Variants in CDYL observed in about 807,000 individuals in gnomAD.
CDYL encodes chromodomain Y-like protein.
Under a neutral mutation model 47.3 loss-of-function variants are expected in CDYL, and 8 were observed. The observed-to-expected ratio is 0.17, with a 90% confidence interval of 0.10 to 0.31. The LOEUF (loss-of-function observed/expected upper bound fraction) is 0.31, where lower values mean the gene tolerates loss of function less well. CDYL is among the 10% of genes least tolerant of loss of function. The probability of loss-of-function intolerance (pLI) is 1.00; values close to 1 mark genes in which losing one functional copy is unlikely to be tolerated. For missense variants in CDYL, 471 were observed against 701.4 expected, an observed-to-expected ratio of 0.67 and a Z score of 3.71; for synonymous variants, 266 against 265.0, an observed-to-expected ratio of 1.00 and a Z score of -0.04.
intron 1 of CDYL, among the ~76,000 whole-genome samples, chr6:4,875,713 G>C (rs142245901): frequency 0.012 from 1,766 of 152,142 alleles, 22 homozygotes; most frequent in Middle Eastern, 0.037. Context: ...AATGAACACT[G>C]ATTTTTTTCC....
chr6:4,930,188 T>C (rs1376229163), intron 2 of CDYL, among the ~76,000 whole-genome samples: 4 of 152,218 alleles, frequency 2.6e-5, no homozygotes, highest in Non-Finnish European at 5.9e-5. Context: ...TTGAGATTAT[T>C]CAGTTTATAG....
At chr6:4,877,003 C>T (rs1167968844) in intron 1 of CDYL, among the ~76,000 whole-genome samples, 1 of 152,230 alleles carries the variant, frequency 6.6e-6, no homozygotes, top group Non-Finnish European at 1.5e-5. Context: ...GTCCCTTCCA[C>T]CACGTGAGGG....
At chr6:4,769,963 ATT>A (rs1184292208) in intron 3 of CDYL, among the ~76,000 whole-genome samples, 8 of 113,464 alleles carry the variant, frequency 7.1e-5, no homozygotes, top group Non-Finnish European at 1.1e-4. Flanking sequence ...CGCCCGGCTA[ATT>A]TGTGTGTGTG....
intron 2 of CDYL, among the ~76,000 whole-genome samples, chr6:4,723,670 G>A (rs903018756): frequency 6.6e-6 from 1 of 152,168 alleles, no homozygotes; most frequent in African/African-American, 2.4e-5. Flanking sequence ...GCAGAGGAAG[G>A]GGGCTTGTTG....
intron 3 of CDYL, among the ~76,000 whole-genome samples, chr6:4,735,782 T>G (rs1480377633): frequency 6.6e-6 from 1 of 151,888 alleles, no homozygotes; most frequent in Admixed American, 6.6e-5. Context: ...AAAAAATAGT[T>G]GTACATATTT....
At chr6:4,831,938 T>G (rs1324895438) in intron 1 of CDYL, among the ~76,000 whole-genome samples, 27 of 152,056 alleles carry the variant, frequency 1.8e-4, no homozygotes. Context: ...ATCCTGAGAC[T>G]TTGCTGAAGT....
At chr6:4,833,684 C>T (rs1233919885) in intron 1 of CDYL, among the ~76,000 whole-genome samples, 1 of 151,430 alleles carries the variant, frequency 6.6e-6, no homozygotes, top group Non-Finnish European at 1.5e-5. Context: ...ATTAAAGTCT[C>T]CCATTATTAT....
intron 1 of CDYL, among the ~76,000 whole-genome samples, chr6:4,860,118 G>C (rs1216458438): frequency 6.6e-6 from 1 of 151,878 alleles, no homozygotes; most frequent in Non-Finnish European, 1.5e-5. Flanking sequence ...AGCCAGGATG[G>C]TCTCGATCTC....
intron 2 of CDYL, among the ~76,000 whole-genome samples, chr6:4,923,937 C>T (rs1359553284): frequency 2.6e-5 from 4 of 151,550 alleles, no homozygotes; most frequent in East Asian, 1.9e-4. Flanking sequence ...AAAAAGAGTT[C>T]CCCTTTCTCC....
rs1225365201 is a variant in CDYL at position 4,892,317 on chromosome 6, T to C, written c.629T>C (p.Val210Ala). The C allele has an allele frequency of 4.3e-6, 7 of 1,614,020 alleles. No homozygotes were observed. The highest frequency in any genetic ancestry group is 5.9e-6 in the Non-Finnish European group (7 of 1,179,990). ...MGSRPRIHPLVPQVPGPVTAA... is the reference protein window; with the variant it reads ...MGSRPRIHPLAPQVPGPVTAA... ...AGCAGGCCCAGGATACACCCACTAG[T>C]GCCTCAGGTGCCCGGCCCTGTGACT... The change falls in exon 2 of 7, where the codon GTG becomes GCG. Residue 210 changes from valine to alanine, a missense_variant. By Grantham distance (64) the Val-to-Ala change is moderately conservative. Around this residue, in one of 3 missense-constraint regions of CDYL, gnomAD observed 311 missense variants for 350.0 expected, o/e 0.89. Coordinates refer to ENST00000397588, the MANE Select transcript of CDYL (RefSeq NM_004824.4).
chr6:4,708,374 G>T (rs1204043031), intron 1 of CDYL, among the ~76,000 whole-genome samples: 1 of 152,068 alleles, frequency 6.6e-6, no homozygotes, highest in Non-Finnish European at 1.5e-5. Flanking sequence ...TGTCCAGGCT[G>T]ATCTCAAACT....
intron 5 of CDYL, among the ~76,000 whole-genome samples, chr6:4,946,340 G>A (rs2127526476): frequency 6.6e-6 from 1 of 152,298 alleles, no homozygotes; most frequent in East Asian, 1.9e-4. Flanking sequence ...TTCTAACCTT[G>A]ATCCACTTTT....
intron 1 of CDYL, among the ~76,000 whole-genome samples, chr6:4,777,386 C>T (rs1045261427): frequency 6.6e-6 from 1 of 152,200 alleles, no homozygotes; most frequent in South Asian, 2.1e-4. Flanking sequence ...CGCTGATACA[C>T]CGTCATTCAT....
At chr6:4,846,921 T>C (rs1230983441) in intron 1 of CDYL, among the ~76,000 whole-genome samples, 1 of 152,254 alleles carries the variant, frequency 6.6e-6, no homozygotes, top group Non-Finnish European at 1.5e-5. Context: ...TTCTACTCTT[T>C]CCTTTTCCCA....
chr6:4,796,200 T>C (rs28483513), intron 1 of CDYL, among the ~76,000 whole-genome samples: 1 of 152,194 alleles, frequency 6.6e-6, no homozygotes, highest in African/African-American at 2.4e-5. Flanking sequence ...CACAAAGTGC[T>C]GGCATTACAG....
intron 1 of CDYL, among the ~76,000 whole-genome samples, chr6:4,822,426 A>G (rs1355222438): frequency 6.6e-6 from 1 of 152,206 alleles, no homozygotes; most frequent in African/African-American, 2.4e-5. Flanking sequence ...GGGGGGAAAA[A>G]ATCAATGGTA....
chr6:4,780,909 G>T (rs1758601818), intron 1 of CDYL, among the ~76,000 whole-genome samples: 1 of 152,130 alleles, frequency 6.6e-6, no homozygotes, highest in African/African-American at 2.4e-5. Flanking sequence ...GTTCACGTGG[G>T]ACTGAATAAG....
chr6:4,924,716 C>T (rs979253284), intron 2 of CDYL, among the ~76,000 whole-genome samples: 4 of 152,034 alleles, frequency 2.6e-5, no homozygotes, highest in African/African-American at 9.7e-5. Flanking sequence ...TGAACGACTT[C>T]GATACTGAGC....
At chr6:4,861,409 G>T (rs573271567) in intron 1 of CDYL, among the ~76,000 whole-genome samples, 59 of 152,196 alleles carry the variant, frequency 3.9e-4, no homozygotes, top group Non-Finnish European at 7.2e-4. Flanking sequence ...TGGTCACCCA[G>T]ATAATAGAGC....
Sources: gnomAD v4.1 joint callset for allele counts (sites outside exome capture counted in the v4.1 genomes callset) on GRCh38, gnomAD v4.1.1 for gene constraint, gnomAD v4.1.1 regional missense constraint, MANE v1.5 for transcripts, NCBI Gene and HGNC (gene_info 2026-07-23, HGNC 2026-07-21) for gene names.